TYW1B: variants seen among roughly 807,000 people sequenced by gnomAD.
TYW1B encodes S-adenosyl-L-methionine-dependent tRNA 4-demethylwyosine synthase TYW1B.
TYW1B carries 73 observed loss-of-function variants against 86.9 expected under a neutral mutation model. The observed-to-expected ratio is 0.84, with a 90% CI of 0.70 to 1.02. The LOEUF is 1.02. Ranked by LOEUF, TYW1B falls within the 50% of genes least tolerant of loss-of-function variation. TYW1B has a pLI of 0.00. For synonymous variants in TYW1B, 248 were observed against 292.8 expected (o/e 0.85, Z 1.56); for missense variants, 637 against 827.4 (o/e 0.77, Z 2.82).
chr7:72,760,220 G>C (rs1471756682), intron 7 of TYW1B, among the ~76,000 whole-genome samples: 1 of 152,116 alleles, frequency 6.6e-6, no homozygotes, highest in Non-Finnish European at 1.5e-5. Context: ...TGTAAATGTT[G>C]AAAATTTAAG....
chr7:72,782,302 A>G (rs1289944062), intron 6 of TYW1B, among the ~76,000 whole-genome samples: 2 of 152,070 alleles, frequency 1.3e-5, no homozygotes, highest in Non-Finnish European at 2.9e-5. Context: ...AAATAAAAAA[A>G]TTTAAAAAAA....
intron 4 of TYW1B, among the ~76,000 whole-genome samples, chr7:72,810,168 C>A (rs113500284): frequency 5.3e-5 from 8 of 152,158 alleles, no homozygotes; most frequent in African/African-American, 1.4e-4. Flanking sequence ...ATCCCAGCTA[C>A]TCGGGAGGTT....
intron 12 of TYW1B, among the ~76,000 whole-genome samples, chr7:72,617,950 T>G (rs1189458038): frequency 6.6e-6 from 1 of 152,074 alleles, no homozygotes; most frequent in Admixed American, 6.6e-5. Context: ...AATGATTAAT[T>G]TTCTAATACT....
chr7:72,730,966 T>C (rs1554459789), intron 8 of TYW1B, among the ~76,000 whole-genome samples: 1 of 144,624 alleles, frequency 6.9e-6, no homozygotes, highest in Non-Finnish European at 1.5e-5. Context: ...AGACACATTA[T>C]AGTCAAACTG....
intron 13 of TYW1B, among the ~76,000 whole-genome samples, chr7:72,586,945 G>A (rs1299432373): frequency 6.6e-5 from 10 of 151,100 alleles, no homozygotes; most frequent in African/African-American, 9.7e-5. Context: ...TAGACAAAAC[G>A]GAATAAAACA....
chr7:72,812,107 T>C (rs1442221270), intron 3 of TYW1B, among the ~76,000 whole-genome samples: 2 of 150,180 alleles, frequency 1.3e-5, no homozygotes, highest in Non-Finnish European at 3.0e-5. Flanking sequence ...TCCAGAATGT[T>C]TGGGATGGGA....
intron 11 of TYW1B, among the ~76,000 whole-genome samples, chr7:72,692,845 C>T (rs34079955): frequency 2.0e-5 from 3 of 151,992 alleles, no homozygotes; most frequent in African/African-American, 2.4e-5. Context: ...AGATGGTGGG[C>T]ACGTGTGCAG....
chr7:72,723,213 T>C (rs1174750757), intron 9 of TYW1B: 7 of 362,836 alleles, frequency 1.9e-5, no homozygotes, highest in East Asian at 8.4e-5. Flanking sequence ...CCTCCTTCCC[T>C]TTCCCCTGGT....
chr7:72,618,190 C>T (rs1554437266), intron 12 of TYW1B, among the ~76,000 whole-genome samples: 1 of 150,858 alleles, frequency 6.6e-6, no homozygotes, highest in Non-Finnish European at 1.5e-5. Context: ...GACACACACA[C>T]ACCACAGACA....
chr7:72,641,806 G>A (rs1812806170), intron 11 of TYW1B, among the ~76,000 whole-genome samples: 1 of 152,128 alleles, frequency 6.6e-6, no homozygotes, highest in Non-Finnish European at 1.5e-5. Flanking sequence ...TTTATGTTAC[G>A]TGAATGCTAC....
intron 12 of TYW1B, among the ~76,000 whole-genome samples, chr7:72,623,632 T>C (rs1380607602): frequency 3.9e-5 from 6 of 152,110 alleles, no homozygotes; most frequent in Non-Finnish European, 7.4e-5. Flanking sequence ...GCTCCAAGAG[T>C]GTCTCCCTTA....
Position 72,828,198 on chromosome 7 carries a change from T to C in TYW1B, c.-123A>G. 6.5e-7 allele frequency: 1 copy of C among 1,541,568 alleles called. No individual in the cohort carries two copies. Among genetic ancestry groups the C allele is most frequent in the Non-Finnish European group, 8.8e-7 (1 of 1,134,682 alleles). On this transcript the variant is annotated 5_prime_UTR_variant, in exon 1 of 14. Coordinates refer to ENST00000620995, the MANE Select transcript of TYW1B (RefSeq NM_001145440.3). ...GCGCCGTACCGAGTGGCTGCAGAAC[T>C]GTGGGCAGCTACGACGCTGCCAGGC...
At chr7:72,674,320 C>T (rs1244398229) in intron 11 of TYW1B, among the ~76,000 whole-genome samples, 1 of 152,056 alleles carries the variant, frequency 6.6e-6, no homozygotes, top group African/African-American at 2.4e-5. Context: ...ACATTGTGGG[C>T]CTCTCTCTGC....
At chr7:72,655,255 T>C (rs1304398926) in intron 11 of TYW1B, among the ~76,000 whole-genome samples, 1 of 152,094 alleles carries the variant, frequency 6.6e-6, no homozygotes, top group Non-Finnish European at 1.5e-5. Flanking sequence ...TCCCCACCAC[T>C]GACACCTGCA....
At chr7:72,589,184 G>T (rs138946313) in intron 13 of TYW1B, among the ~76,000 whole-genome samples, 4 of 152,292 alleles carry the variant, frequency 2.6e-5, no homozygotes, top group African/African-American at 9.6e-5. Context: ...TGATCCAATA[G>T]ACTTCTGTAA....
chr7:72,798,207 C>T (rs539954678), intron 6 of TYW1B, among the ~76,000 whole-genome samples: 11 of 151,824 alleles, frequency 7.2e-5, no homozygotes, highest in Middle Eastern at 3.4e-3. Flanking sequence ...ATCGAGACCA[C>T]GGTGAAACCC....
chr7:72,803,804 G>A (rs1305241866), intron 5 of TYW1B, among the ~76,000 whole-genome samples: 3 of 151,710 alleles, frequency 2.0e-5, no homozygotes, highest in African/African-American at 7.3e-5. Flanking sequence ...AGTAGAGAGA[G>A]GGTTTCACCA....
rs782647280 is a variant in TYW1B, at chr7:72,815,437, C to G, written c.180G>C (p.Leu60=). 1.6e-5 allele frequency: 25 copies of G among 1,610,476 alleles called. No individual in the cohort carries two copies. In the South Asian group the frequency reaches 2.7e-4, roughly 17 times the overall value. The change falls in exon 3 of 14, where the codon CTG becomes CTC. Residue 60 remains leucine, a synonymous_variant. Coordinates refer to ENST00000620995, the MANE Select transcript of TYW1B (RefSeq NM_001145440.3). The part of the protein sequence containing the change: ...VLAEAVTSLD[L]PVAIINLKEY... ...CTTTTAGATTAATAATGGCCACAGG[C>G]AGATCCAGGGACGTAACTGCTTCAG...
At chr7:72,826,232 C>T (rs530945990) in intron 2 of TYW1B, among the ~76,000 whole-genome samples, 1 of 152,322 alleles carries the variant, frequency 6.6e-6, no homozygotes, top group East Asian at 1.9e-4. Context: ...TAAGTTCCTG[C>T]CCTTGAAGAC....
Sources: gnomAD v4.1 joint callset for allele counts (sites outside exome capture counted in the v4.1 genomes callset) on GRCh38, gnomAD v4.1.1 for gene constraint, MANE v1.5 for transcripts, NCBI Gene and HGNC (gene_info 2026-07-23, HGNC 2026-07-21) for gene names.